The following NGB variants were observed in gnomAD, a reference collection of about 807,000 sequenced individuals.
NGB encodes the protein nitrite reductase.
In NGB, 12 loss-of-function variants were observed where a neutral mutation model predicts 17.3. The observed-to-expected ratio is 0.69, with a 90% CI of 0.45 to 1.13. The LOEUF (loss-of-function observed/expected upper bound fraction) is 1.13, where lower values mean the gene tolerates loss of function less well. Among genes scored for constraint, NGB ranks in the 50% most tolerant of loss-of-function variants. The pLI, the probability that NGB is intolerant of heterozygous loss-of-function variation, is 0.00. For missense variants in NGB, 195 were observed against 191.7 expected, an observed-to-expected ratio of 1.02 and a Z score of -0.10; for synonymous variants, 87 against 81.0, an observed-to-expected ratio of 1.07 and a Z score of -0.40.
At chr14:77,268,731 G>T in intron 2 of NGB, 146 bp from the exon 3 acceptor site, 2 of 1,103,728 alleles carry the variant, frequency 1.8e-6, no homozygotes, top group Non-Finnish European at 2.6e-6. Flanking sequence ...GGCAGCCTGT[G>T]TCTACTACAT....
rs756862816 is a variant in NGB at position 77,266,520 on chromosome 14, C to T, written c.*16G>A. 102 of 1,606,466 alleles carry T rather than the reference C, an allele frequency of 6.3e-5. No individual in the cohort carries two copies. The highest frequency in any genetic ancestry group is 8.1e-5 in the Non-Finnish European group (95 of 1,175,886). ...ACAGACACAGATGGATGGGGGCTGC[C>T]GGGCGGGGTCGCCTCTTACTCGCCA... On this transcript the variant is annotated 3_prime_UTR_variant, in exon 4 of 4. Coordinates refer to ENST00000298352, the MANE Select transcript of NGB (RefSeq NM_021257.4).
At chr14:77,270,084 C>G (rs1225356852) in intron 1 of NGB, among the ~76,000 whole-genome samples, 1 of 151,836 alleles carries the variant, frequency 6.6e-6, no homozygotes, top group Non-Finnish European at 1.5e-5. Context: ...AATGTTTTCC[C>G]CTTTTGTCTT....
At position 77,268,461 on chromosome 14, in the gene NGB, C is replaced by G; in HGVS notation, c.321+5G>C. The G allele has an allele frequency of 6.2e-7, 1 of 1,610,320 alleles. No individual in the cohort carries two copies. Among genetic ancestry groups the G allele is most frequent in the Non-Finnish European group, 8.5e-7 (1 of 1,179,668 alleles). Reference sequence around the variant, plus strand: ...TCTGGAGAGAGTCAGAGCTCCTTTACCCACCGAGAAGGAGCTGAGCTTCAC... The same window carrying G: ...TCTGGAGAGAGTCAGAGCTCCTTTAGCCACCGAGAAGGAGCTGAGCTTCAC... On this transcript the variant is annotated splice_donor_5th_base_variant and intron_variant, in intron 3 of 3. Coordinates refer to ENST00000298352, the MANE Select transcript of NGB (RefSeq NM_021257.4).
At chr14:77,269,162 G>A (rs546316548) in intron 2 of NGB, 53 bp downstream of exon 2, 2 of 1,153,726 alleles carry the variant, frequency 1.7e-6, no homozygotes, top group Non-Finnish European at 2.5e-6. Context: ...TTCTCCACCA[G>A]GGAGGTGCTC....
At chr14:77,269,673 TCTCTC>T (rs1889728593) in intron 1 of NGB, among the ~76,000 whole-genome samples, 1 of 872 alleles carries the variant, frequency 1.1e-3, no homozygotes, top group Non-Finnish European at 3.3e-3. Flanking sequence ...GCCCTTTCTC[TCTCTC>T]TCTCTCTCTC....
chr14:77,268,328 G>C lies in NGB; in HGVS notation c.321+138C>G. ...AGCCCATGTCAGGGCCACACAGCAG[G>C]TAACAGATGCAGGCCCGCAGCCCTG... On this transcript the variant is annotated intron_variant, in intron 3 of 3. Transcript: ENST00000298352. 4 of 854,936 alleles carry C rather than the reference G, an allele frequency of 4.7e-6. No individual in the cohort carries two copies. The South Asian group carries it at 7.1e-5, about 15-fold the overall frequency. The allele number at this position is 854,936 out of a possible 1,614,324, so 53.0% of individuals were successfully genotyped here. A position where few individuals can be genotyped will look rare whatever the true frequency, so the allele number is the denominator to read the frequency against.
Position 77,265,920 on chromosome 14 carries a change from G to A in NGB, c.*616C>T, listed in dbSNP as rs1475412643. 5.2e-6 allele frequency: 1 copy of A among 193,884 alleles called. No homozygotes were observed. Among genetic ancestry groups the A allele is most frequent in the Non-Finnish European group, 1.1e-5 (1 of 89,336 alleles). The allele number at this position is 193,884 out of a possible 1,614,324, so 12.0% of individuals were successfully genotyped here. On this transcript the variant is annotated 3_prime_UTR_variant, in exon 4 of 4. Transcript: ENST00000298352. The surrounding 1 kb of genome is among the most constrained non-coding windows in gnomAD (Gnocchi z 4.7). ...AATGCCGCCAAAGGAAACCGACTCT[G>A]TCAGGGCATCTGCACAGCCCGCGAG...
Position 77,266,039 on chromosome 14 carries a change from A to G in NGB, c.*497T>C, listed in dbSNP as rs533212411. On this transcript the variant is annotated 3_prime_UTR_variant, in exon 4 of 4. Transcript: ENST00000298352. The stretch of plus-strand genomic sequence containing the variant: ...TGCCTGGGATTCCACCAAGAAGGCT[A>G]AAGCTGCTCTTTCTCTTTATTTGTG... 4.2e-4 allele frequency: 133 copies of G among 318,830 alleles called. No individual in the cohort carries two copies. Among genetic ancestry groups the G allele is most frequent in the African/African-American group, 2.8e-3 (128 of 46,430 alleles). The allele number at this position is 318,830 out of a possible 1,614,324, so 19.8% of individuals were successfully genotyped here.
At chr14:77,267,350 G>C (rs1889687492) in intron 3 of NGB, among the ~76,000 whole-genome samples, 1 of 152,126 alleles carries the variant, frequency 6.6e-6, no homozygotes, top group South Asian at 2.1e-4. Context: ...AGACCAGCCT[G>C]GTAAACATGG....
intron 1 of NGB, among the ~76,000 whole-genome samples, chr14:77,270,304 T>TCACC (rs1247091046): frequency 6.6e-6 from 1 of 151,762 alleles, no homozygotes; most frequent in Non-Finnish European, 1.5e-5. Flanking sequence ...CCCGCATCTG[T>TCACC]CACCCCTTCC....
At chr14:77,268,775 CTAA>C (rs1889709699) in intron 2 of NGB, among the ~76,000 whole-genome samples, 190 bp from the exon 3 acceptor site, 1 of 152,238 alleles carries the variant, frequency 6.6e-6, no homozygotes, top group South Asian at 2.1e-4. Flanking sequence ...GGCCAAACTA[CTAA>C]TGTTATACCC....
At chr14:77,268,387 A>G in intron 3 of NGB, 79 bp downstream of exon 3, 1 of 1,471,932 alleles carries the variant, frequency 6.8e-7, no homozygotes, top group Non-Finnish European at 9.3e-7. Context: ...GAGAGAGAAC[A>G]GGTGGCAAGG....
At chr14:77,268,626 C>A in intron 2 of NGB, 41 bp from the exon 3 acceptor site, 1 of 1,611,298 alleles carries the variant, frequency 6.2e-7, no homozygotes, top group Non-Finnish European at 8.5e-7. Flanking sequence ...GAGGCCAGAG[C>A]AGCCCCATCT....
Position 77,271,186 on chromosome 14 carries a change from C to T in NGB, c.-249G>A, listed in dbSNP as rs1199038137. Reference sequence around the variant, plus strand: ...CGCTTGGCCGCTGCGCCCTGCGCCCCGCAGCCGCCAGAGCCGCCCCACCCC... The same window carrying T: ...CGCTTGGCCGCTGCGCCCTGCGCCCTGCAGCCGCCAGAGCCGCCCCACCCC... On this transcript the variant is annotated 5_prime_UTR_variant, in exon 1 of 4. Coordinates refer to ENST00000298352, the MANE Select transcript of NGB (RefSeq NM_021257.4). 18 of 405,714 alleles carry T rather than the reference C, an allele frequency of 4.4e-5. No homozygotes were observed. In the Admixed American group the frequency reaches 8.0e-4, roughly 18 times the overall value. The allele number at this position is 405,714 out of a possible 1,614,324, so 25.1% of individuals were successfully genotyped here.
chr14:77,268,434 G>A, intron 3 of NGB, 32 bp downstream of exon 3: 1 of 1,605,700 alleles, frequency 6.2e-7, no homozygotes, highest in Non-Finnish European at 8.5e-7. Flanking sequence ...CAGGCCAGGA[G>A]CTCTGGAGAG....
At position 77,266,499 on chromosome 14, in the gene NGB, AC is replaced by A. The variant is rs1889672437; in HGVS notation, c.*36del. The A allele has an allele frequency of 6.3e-7, 1 of 1,599,692 alleles. No homozygotes were observed. Among genetic ancestry groups the A allele is most frequent in the Admixed American group, 1.7e-5 (1 of 59,064 alleles). ...ACAACAGATACAGGCCAACAGACAGACACAGATGGATGGGGGCTGCCGGGCG... is the reference window on the plus strand; with the variant it reads ...ACAACAGATACAGGCCAACAGACAGAACAGATGGATGGGGGCTGCCGGGCG... On this transcript the variant is annotated 3_prime_UTR_variant, in exon 4 of 4. Coordinates refer to ENST00000298352, the MANE Select transcript of NGB (RefSeq NM_021257.4).
chr14:77,266,390 G>T lies in NGB; in HGVS notation c.*146C>A. On this transcript the variant is annotated 3_prime_UTR_variant, in exon 4 of 4. Coordinates refer to ENST00000298352, the MANE Select transcript of NGB (RefSeq NM_021257.4). ...TTCTGCAGCTGGACTCTAGGATACT[G>T]AGACCCAGCCCTGCCCCATCACCTC... 1 of 1,153,922 alleles carries T rather than the reference G, an allele frequency of 8.7e-7. No individual in the cohort carries two copies. Among genetic ancestry groups the T allele is most frequent in the East Asian group, 2.4e-5 (1 of 42,484 alleles). 71.5% of individuals were successfully genotyped at this position (1,153,922 alleles called of 1,614,324 possible).
Position 77,266,477 on chromosome 14 carries a change from A to G in NGB, c.*59T>C. The G allele has an allele frequency of 6.3e-7, 1 of 1,583,748 alleles. No homozygotes were observed. Among genetic ancestry groups the G allele is most frequent in the African/African-American group, 1.3e-5 (1 of 74,380 alleles). On this transcript the variant is annotated 3_prime_UTR_variant, in exon 4 of 4. Transcript: ENST00000298352. ...GGAAGCTTGGGGAGCCTGGGCTACA[A>G]CAGATACAGGCCAACAGACAGACAC...
In NGB at chr14:77,266,326, G is replaced by T; in HGVS notation, c.*210C>A. 1.3e-6 allele frequency: 1 copy of T among 789,878 alleles called. No individual in the cohort carries two copies. Among genetic ancestry groups the T allele is most frequent in the Non-Finnish European group, 2.3e-6 (1 of 428,938 alleles). 48.9% of individuals were successfully genotyped at this position (789,878 alleles called of 1,614,324 possible). A position where few individuals can be genotyped will look rare whatever the true frequency, so the allele number is the denominator to read the frequency against. On this transcript the variant is annotated 3_prime_UTR_variant, in exon 4 of 4. Coordinates refer to ENST00000298352, the MANE Select transcript of NGB (RefSeq NM_021257.4). ...AAGAAAGAGGCTACTGGGGATGAGG[G>T]GACACCCAGAAGCCCCTTCCTGGAG...
Sources: allele counts gnomAD v4.1 joint callset (sites outside exome capture counted in the v4.1 genomes callset), GRCh38; gene constraint gnomAD v4.1.1; non-coding constraint Gnocchi (gnomAD v3.1); transcripts MANE v1.5; gene names NCBI Gene and HGNC (gene_info 2026-07-23, HGNC 2026-07-21).